ODAD2: variants seen among roughly 807,000 people sequenced by gnomAD.
ODAD2 encodes outer dynein arm docking complex subunit 2.
A neutral mutation model predicts 106.8 loss-of-function variants in ODAD2; 89 were observed. The observed-to-expected ratio is 0.83, with a 90% CI of 0.70 to 0.99. ODAD2 has a LOEUF of 0.99. Ranked by LOEUF, ODAD2 falls within the 50% of genes least tolerant of loss-of-function variation. The probability of loss-of-function intolerance (pLI) is 0.00; values close to 1 mark genes in which losing one functional copy is unlikely to be tolerated. For missense variants in ODAD2, 1,168 were observed against 1,238.5 expected (o/e 0.94, Z 0.85); for synonymous variants, 404 against 436.2 (o/e 0.93, Z 0.92).
intron 12 of ODAD2, among the ~76,000 whole-genome samples, chr10:27,941,596 G>GTGT (rs1554816096): frequency 8.7e-6 from 1 of 114,934 alleles, no homozygotes; most frequent in Non-Finnish European, 1.7e-5. Context: ...CCAGCATCCA[G>GTGT]TTTTTTTTTT....
chr10:27,835,476 C>G (rs1022612563), intron 19 of ODAD2, among the ~76,000 whole-genome samples: 4 of 152,176 alleles, frequency 2.6e-5, no homozygotes, highest in African/African-American at 9.7e-5. Flanking sequence ...TTCTCTCTCT[C>G]TCTGTACAGT....
chr10:27,964,079 G>T (rs1203867234), intron 9 of ODAD2, among the ~76,000 whole-genome samples: 2 of 152,160 alleles, frequency 1.3e-5, no homozygotes, highest in African/African-American at 4.8e-5. Context: ...AAAATTAGCT[G>T]GGTATGGTGG....
chr10:27,917,736 A>T (rs188162574), intron 16 of ODAD2, among the ~76,000 whole-genome samples: 26 of 151,998 alleles, frequency 1.7e-4, no homozygotes, highest in Admixed American at 1.0e-3. Flanking sequence ...TTGTTTGAAA[A>T]ACCAATTGAA....
At chr10:27,965,028 A>T (rs543974201) in intron 9 of ODAD2, among the ~76,000 whole-genome samples, 6 of 152,342 alleles carry the variant, frequency 3.9e-5, no homozygotes, top group Admixed American at 1.3e-4. Context: ...AGGAGGCAAC[A>T]GTCAGTAAGA....
chr10:27,835,072 G>A (rs373271128), intron 19 of ODAD2, among the ~76,000 whole-genome samples: 33 of 152,250 alleles, frequency 2.2e-4, no homozygotes, highest in African/African-American at 6.7e-4. Context: ...TAGACATCGC[G>A]TGGCCCTGCG....
intron 17 of ODAD2, among the ~76,000 whole-genome samples, chr10:27,889,677 C>A (rs962628394): frequency 6.6e-6 from 1 of 152,178 alleles, no homozygotes; most frequent in Admixed American, 6.6e-5. Context: ...CATGGACACT[C>A]CCATGGACTT....
rs149330246 is a variant in ODAD2 at position 27,827,199 on chromosome 10, T to G, written c.3022-14574A>C. 7.3e-3 allele frequency among the ~76,000 whole-genome samples: 1,106 copies of G among 152,078 alleles called. 46 individuals are homozygous for G. The highest frequency in any genetic ancestry group is 0.059 in the Admixed American group (896 of 15,244). ...TAATTGCTTCTTTCCAGGAATCCCT[T>G]TCTTAACCCATTATGATATGACTCA... On this transcript the variant is annotated intron_variant, in intron 19 of 19. Transcript: ENST00000305242.
At chr10:27,859,206 G>C (rs1839871150) in intron 19 of ODAD2, among the ~76,000 whole-genome samples, 1 of 151,988 alleles carries the variant, frequency 6.6e-6, no homozygotes, top group Non-Finnish European at 1.5e-5. Context: ...ACAACTTGAA[G>C]TTAATGGTCC....
intron 19 of ODAD2, among the ~76,000 whole-genome samples, chr10:27,847,354 C>T (rs1290091678): frequency 1.3e-5 from 2 of 152,092 alleles, no homozygotes; most frequent in Middle Eastern, 3.2e-3. Flanking sequence ...GCAGAAAAGG[C>T]CTTTGACAAA....
intron 7 of ODAD2, among the ~76,000 whole-genome samples, chr10:27,973,791 A>G (rs1423292920): frequency 6.6e-6 from 1 of 152,172 alleles, no homozygotes; most frequent in Non-Finnish European, 1.5e-5. Context: ...TTCTCTGGGT[A>G]TATACCCAGT....
At chr10:27,844,866 G>A (rs1359612468) in intron 19 of ODAD2, among the ~76,000 whole-genome samples, 1 of 152,158 alleles carries the variant, frequency 6.6e-6, no homozygotes, top group Non-Finnish European at 1.5e-5. Context: ...TGGGGTGGTG[G>A]CGAAGGAGTT....
In ODAD2 at chr10:27,907,692, C is replaced by A; in HGVS notation, c.2581G>T (p.Ala861Ser). 1 of 1,613,390 alleles carries A rather than the reference C, an allele frequency of 6.2e-7. No homozygotes were observed. The highest frequency in any genetic ancestry group is 8.5e-7 in the Non-Finnish European group (1 of 1,179,440). ...HPDVKASAAWALCPCIKNAKD... is the reference protein window; with the variant it reads ...HPDVKASAAWSLCPCIKNAKD... ...GCATTTTTGATGCATGGACAGAGTGCCCATGCTGCGCTGGCCTTCACGTCT... is the reference window on the plus strand; with the variant it reads ...GCATTTTTGATGCATGGACAGAGTGACCATGCTGCGCTGGCCTTCACGTCT... Residue 861 changes from alanine (A) to serine (S), a missense_variant, in exon 17 of 20, where the codon GCA (alanine) becomes TCA (serine). By Grantham distance (99) the Ala-to-Ser change is moderately conservative. Transcript: ENST00000305242.
intron 19 of ODAD2, among the ~76,000 whole-genome samples, chr10:27,859,127 T>C (rs1156558172): frequency 3.9e-5 from 6 of 152,082 alleles, no homozygotes; most frequent in Admixed American, 3.9e-4. Context: ...AATTTTAAAT[T>C]AGAAATATCT....
chr10:27,820,777 C>CTT (rs72095120), intron 19 of ODAD2, among the ~76,000 whole-genome samples: 97 of 105,476 alleles, frequency 9.2e-4, no homozygotes, highest in Middle Eastern at 6.9e-3. Flanking sequence ...AGCCCAGCAA[C>CTT]TTTTTTTTTT....
intron 19 of ODAD2, among the ~76,000 whole-genome samples, chr10:27,837,569 C>T (rs551476027): frequency 6.6e-6 from 1 of 152,260 alleles, no homozygotes; most frequent in East Asian, 1.9e-4. Context: ...TAAATACAGA[C>T]TAAGGCATCA....
chr10:27,957,770 G>T (rs1264195320), intron 10 of ODAD2, among the ~76,000 whole-genome samples: 1 of 152,140 alleles, frequency 6.6e-6, no homozygotes, highest in Non-Finnish European at 1.5e-5. Context: ...GCCAAGATAT[G>T]AGCTCATAGC....
intron 17 of ODAD2, among the ~76,000 whole-genome samples, chr10:27,890,370 G>C (rs1842481323): frequency 6.6e-6 from 1 of 152,150 alleles, no homozygotes. Context: ...TAATTTAATA[G>C]ATGAAGTTAT....
At chr10:27,974,437 T>C (rs1849056765) in intron 7 of ODAD2, among the ~76,000 whole-genome samples, 1 of 152,240 alleles carries the variant, frequency 6.6e-6, no homozygotes, top group Non-Finnish European at 1.5e-5. Context: ...GTTTCAATCT[T>C]CTGCATATGG....
Position 27,971,405 on chromosome 10 carries a change from A to G in ODAD2, c.937-92T>C, listed in dbSNP as rs574041568. The G allele has an allele frequency of 5.8e-5, 63 of 1,093,828 alleles. No homozygotes were observed. The African/African-American group carries it at 7.3e-4, about 13-fold the overall frequency. 67.8% of individuals were successfully genotyped at this position (1,093,828 alleles called of 1,614,324 possible). A position where few individuals can be genotyped will look rare whatever the true frequency, so the allele number is the denominator to read the frequency against. ...TGCCAGTGGTAAATTCAGGAAAGGA[A>G]GTCTCGGATGCATTTAACTTGTGGT... On this transcript the variant is annotated intron_variant, in intron 7 of 19. Coordinates refer to ENST00000305242, the MANE Select transcript of ODAD2 (RefSeq NM_018076.5).
Sources: gnomAD v4.1 joint callset for allele counts (sites outside exome capture counted in the v4.1 genomes callset) on GRCh38, gnomAD v4.1.1 for gene constraint, MANE v1.5 for transcripts, NCBI Gene and HGNC (gene_info 2026-07-23, HGNC 2026-07-21) for gene names.